The following NAV2 variants were observed in gnomAD, a reference collection of about 807,000 sequenced individuals.
The protein encoded by NAV2 is neuron navigator 2.
Under a neutral mutation model 223.2 loss-of-function variants are expected in NAV2, and 54 were observed. That is an observed-to-expected ratio of 0.24 (90% CI 0.19 to 0.30). The LOEUF (loss-of-function observed/expected upper bound fraction) is 0.30, where lower values mean the gene tolerates loss of function less well. Among genes scored for constraint, NAV2 ranks in the 10% least tolerant of loss-of-function variants. The pLI is 1.00. For missense variants in NAV2, 2,806 were observed against 3,147.5 expected, an observed-to-expected ratio of 0.89 and a Z score of 2.60; for synonymous variants, 1,279 against 1,239.3, an observed-to-expected ratio of 1.03 and a Z score of -0.67.
chr11:19,639,012 T>A (rs1479294822), intron 1 of NAV2, among the ~76,000 whole-genome samples: 1 of 152,056 alleles, frequency 6.6e-6, no homozygotes, highest in Non-Finnish European at 1.5e-5. Flanking sequence ...ATAATAAAAA[T>A]AATAAAGAAA....
intron 1 of NAV2, among the ~76,000 whole-genome samples, chr11:19,586,545 A>C (rs1041334948): frequency 6.6e-6 from 1 of 152,140 alleles, no homozygotes; most frequent in Non-Finnish European, 1.5e-5. Flanking sequence ...GGTGACGTAC[A>C]TATGGGGTTT....
chr11:19,957,536 C>T (rs979980136), intron 10 of NAV2, among the ~76,000 whole-genome samples: 7 of 152,196 alleles, frequency 4.6e-5, no homozygotes, highest in African/African-American at 9.7e-5. Flanking sequence ...TAATATCAGT[C>T]ATCCCTGATG....
intron 1 of NAV2, among the ~76,000 whole-genome samples, chr11:19,665,527 T>C (rs1213053977): frequency 6.6e-6 from 1 of 152,240 alleles, no homozygotes; most frequent in Non-Finnish European, 1.5e-5. Context: ...CTGGCTCTTC[T>C]GTAAAATGGG....
At chr11:19,394,137 C>A (rs1849356573) in intron 1 of NAV2, among the ~76,000 whole-genome samples, 1 of 152,120 alleles carries the variant, frequency 6.6e-6, no homozygotes, top group Admixed American at 6.6e-5. Context: ...GTTTCATTCC[C>A]ATGGATTGCA....
chr11:19,354,652 T>C (rs572975656), intron 1 of NAV2, among the ~76,000 whole-genome samples: 1 of 152,376 alleles, frequency 6.6e-6, no homozygotes, highest in South Asian at 2.1e-4. Flanking sequence ...TACAAATCAA[T>C]GAAGATGAAT....
chr11:19,898,052 C>T (rs2042146875), intron 6 of NAV2, among the ~76,000 whole-genome samples: 2 of 151,812 alleles, frequency 1.3e-5, no homozygotes, highest in Admixed American at 1.3e-4. Flanking sequence ...CTCTTCCTGT[C>T]CTCTCACATC....
rs551430052 is a variant in NAV2, at chr11:19,685,698, A to G, written c.76-146786A>G. ...AGCTGAAGACTTGGAAACTGGATCT[A>G]GCTCTGACTCTTTTTAAGTTGATGA... is the stretch of plus-strand genomic sequence containing the variant. On this transcript the variant is annotated intron_variant, in intron 1 of 37. Transcript: ENST00000360655. Among the ~76,000 whole-genome samples the G allele has an allele frequency of 5.3e-5, 8 of 152,282 alleles. No individual in the cohort carries two copies. The South Asian group carries it at 8.3e-4, about 16-fold the overall frequency.
intron 1 of NAV2, among the ~76,000 whole-genome samples, chr11:19,756,906 A>AG (rs1437592087): frequency 3.9e-5 from 6 of 152,082 alleles, no homozygotes; most frequent in Admixed American, 2.0e-4. Flanking sequence ...TGGTACAGAG[A>AG]GAGCTGCCAA....
At chr11:19,544,429 T>G (rs1029731185) in intron 1 of NAV2, among the ~76,000 whole-genome samples, 4 of 152,192 alleles carry the variant, frequency 2.6e-5, no homozygotes, top group African/African-American at 9.7e-5. Context: ...CCCCAGTTAG[T>G]AGAGTTTGGC....
intron 16 of NAV2, among the ~76,000 whole-genome samples, chr11:20,050,240 C>T (rs1027565045): frequency 1.3e-5 from 2 of 152,120 alleles, no homozygotes; most frequent in Admixed American, 6.5e-5. Flanking sequence ...ATTCCTTTTG[C>T]CACCCCCAAC....
At chr11:19,564,699 C>T (rs1448159180) in intron 1 of NAV2, among the ~76,000 whole-genome samples, 1 of 152,116 alleles carries the variant, frequency 6.6e-6, no homozygotes, top group Non-Finnish European at 1.5e-5. Flanking sequence ...GCCGGGAGGT[C>T]CGCCGCCGCT....
chr11:19,512,326 G>A (rs2043304926), intron 1 of NAV2, among the ~76,000 whole-genome samples: 1 of 152,186 alleles, frequency 6.6e-6, no homozygotes, highest in Admixed American at 6.5e-5. Flanking sequence ...AAGATTCTGG[G>A]TACAGAGGCT....
At chr11:19,842,957 C>T (rs2060587984) in intron 3 of NAV2, 34 bp downstream of exon 3, 1 of 1,589,010 alleles carries the variant, frequency 6.3e-7, no homozygotes, top group Non-Finnish European at 8.6e-7. Flanking sequence ...TGTTTGAGTT[C>T]TGTCAGCAAG....
rs112205127 is a variant in NAV2, at chr11:20,118,018, C to T, written c.7165-115C>T. The T allele has an allele frequency of 1.7e-3, 2,025 of 1,175,188 alleles. 23 individuals are homozygous for T. In the African/African-American group the frequency reaches 0.028, roughly 17 times the overall value. The allele number at this position is 1,175,188 out of a possible 1,614,324, so 72.8% of individuals were successfully genotyped here. ...AGTCCATGTTCTTGTCCACTGCCTC[C>T]ACTGTGGGCTGTTATCCCAGGTGAG... On this transcript the variant is annotated intron_variant, in intron 37 of 37. Coordinates refer to ENST00000349880, the MANE Select transcript of NAV2 (RefSeq NM_145117.5).
chr11:19,368,251 A>G (rs975364215), intron 1 of NAV2, among the ~76,000 whole-genome samples: 16 of 152,344 alleles, frequency 1.1e-4, no homozygotes, highest in East Asian at 9.6e-4. Context: ...GAGGCAAGGA[A>G]CAGCCAGCCA....
At chr11:19,978,120 C>T (rs1364543480) in intron 10 of NAV2, among the ~76,000 whole-genome samples, 1 of 150,896 alleles carries the variant, frequency 6.6e-6, no homozygotes, top group African/African-American at 2.5e-5. Context: ...CCACCACACC[C>T]AGCAAGGTCA....
intron 11 of NAV2, among the ~76,000 whole-genome samples, chr11:20,002,193 G>T (rs970475511): frequency 6.6e-6 from 1 of 152,110 alleles, no homozygotes; most frequent in Non-Finnish European, 1.5e-5. Flanking sequence ...ACCTTCCAAA[G>T]ACTCCACCTC....
intron 1 of NAV2, among the ~76,000 whole-genome samples, chr11:19,383,141 C>T (rs1848907755): frequency 6.6e-6 from 1 of 152,204 alleles, no homozygotes; most frequent in Non-Finnish European, 1.5e-5. Flanking sequence ...CTATAGTGCA[C>T]TAGCATCTCT....
chr11:19,728,104 A>G (rs984588621), intron 1 of NAV2, among the ~76,000 whole-genome samples: 3 of 152,214 alleles, frequency 2.0e-5, no homozygotes, highest in South Asian at 2.1e-4. Context: ...GTGTGTGTGC[A>G]TGCATGTGTT....
Sources: gnomAD v4.1 joint callset for allele counts (sites outside exome capture counted in the v4.1 genomes callset) on GRCh38, gnomAD v4.1.1 for gene constraint, MANE v1.5 for transcripts, NCBI Gene and HGNC (gene_info 2026-07-23, HGNC 2026-07-21) for gene names.